PRKAG2: variants seen among roughly 807,000 people sequenced by gnomAD.
PRKAG2 encodes the protein 5'-AMP-activated protein kinase subunit gamma-2.
Under a neutral mutation model 69.6 loss-of-function variants are expected in PRKAG2, and 26 were observed. The ratio of observed to expected loss-of-function variants is 0.37; its 90% confidence interval spans 0.27 to 0.52. PRKAG2 has a LOEUF of 0.52. PRKAG2 is among the 20% of genes least tolerant of loss of function. PRKAG2 has a pLI of 0.90. For synonymous variants in PRKAG2, 293 were observed against 285.0 expected (o/e 1.03, Z -0.28); for missense variants, 557 against 740.0 (o/e 0.75, Z 2.87).
chr7:151,804,419 C>A (rs2078001199), intron 1 of PRKAG2, among the ~76,000 whole-genome samples: 1 of 152,160 alleles, frequency 6.6e-6, no homozygotes, highest in South Asian at 2.1e-4. Context: ...CCTTATAAAA[C>A]CAACAGATCT....
chr7:151,799,821 A>G (rs2077737865), intron 1 of PRKAG2, among the ~76,000 whole-genome samples: 1 of 152,226 alleles, frequency 6.6e-6, no homozygotes, highest in Non-Finnish European at 1.5e-5. Context: ...GCAGGCAGCT[A>G]CCAGATAGGA....
Position 151,719,344 on chromosome 7 carries a change from C to T in PRKAG2, c.467-43707G>A, listed in dbSNP as rs945933911. Among the ~76,000 whole-genome samples the T allele has an allele frequency of 4.6e-5, 7 of 152,076 alleles. No individual in the cohort carries two copies. The highest frequency in any genetic ancestry group is 9.7e-5 in the African/African-American group (4 of 41,434). ...GAAGGAGGTAGTCACAGAGACCCAC[C>T]GCTCAGGCCTCCTGCTGGGGGAGCT... On this transcript the variant is annotated intron_variant, in intron 3 of 15. Coordinates refer to ENST00000287878, the MANE Select transcript of PRKAG2 (RefSeq NM_016203.4). This position sits in a 1 kb window ranked among gnomAD's most constrained non-coding sequence, Gnocchi z 5.2.
rs1425028239 is a variant in PRKAG2 at position 151,850,903 on chromosome 7, T to C, written c.114+25604A>G. Among the ~76,000 whole-genome samples the C allele has an allele frequency of 2.0e-5, 3 of 152,224 alleles. No homozygotes were observed. The highest frequency in any genetic ancestry group is 6.5e-5 in the Admixed American group (1 of 15,286). ...ACAACACGGAATAAGAAGTCCTCGA[T>C]GAGCCGCCGCAATGTGACCTTAGGC... On this transcript the variant is annotated intron_variant, in intron 1 of 15. Coordinates refer to ENST00000287878, the MANE Select transcript of PRKAG2 (RefSeq NM_016203.4). This position sits in a 1 kb window ranked among gnomAD's most constrained non-coding sequence, Gnocchi z 4.1.
At chr7:151,571,917 A>G (rs914632317) in intron 9 of PRKAG2, among the ~76,000 whole-genome samples, 1 of 152,206 alleles carries the variant, frequency 6.6e-6, no homozygotes, top group Non-Finnish European at 1.5e-5. Context: ...ATTTTCCTTC[A>G]GTTGGTCCCT....
rs2077478363 is a variant in PRKAG2, at chr7:151,795,845, TCATATATA to T, written c.115-9312_115-9305del. ...ATGAGTCAATTCTTTCAAACAAATC[TCATATATA>T]TATATATATATATATATATATATAT... On this transcript the variant is annotated intron_variant, in intron 1 of 15. Coordinates refer to ENST00000287878, the MANE Select transcript of PRKAG2 (RefSeq NM_016203.4). Among the ~76,000 whole-genome samples, 5 of 61,294 alleles carry T rather than the reference TCATATATA, an allele frequency of 8.2e-5. No homozygotes were observed. The South Asian group carries it at 3.4e-3, about 42-fold the overall frequency. 40.2% of individuals were successfully genotyped at this position (61,294 alleles called of 152,430 possible).
chr7:151,576,443 C>T lies in PRKAG2; in HGVS notation c.874G>A (p.Ala292Thr), dbSNP rs1808948898. ...VFDTTLQVKK[A>T]FFALVANGVR... ...CCGTTGGCTACCAAAGCAAAGAAGGCCTTTTTAACCTGAAGAAAAAGAGGA... is the reference window on the plus strand; with the variant it reads ...CCGTTGGCTACCAAAGCAAAGAAGGTCTTTTTAACCTGAAGAAAAAGAGGA... Residue 292 changes from alanine (A) to threonine (T), a missense_variant, in exon 7 of 16, where the codon GCC becomes ACC. Around this residue, in one of 2 missense-constraint regions of PRKAG2, gnomAD observed 205 missense variants for 383.4 expected, o/e 0.53. Coordinates refer to ENST00000287878, the MANE Select transcript of PRKAG2 (RefSeq NM_016203.4). 1.3e-6 allele frequency: 2 copies of T among 1,598,876 alleles called. No individual in the cohort carries two copies. Among genetic ancestry groups the T allele is most frequent in the Non-Finnish European group, 1.7e-6 (2 of 1,166,468 alleles).
chr7:151,814,475 G>T lies in PRKAG2; in HGVS notation c.115-27934C>A. ...AGATGCTAATAAGCAGTGCAGGCTT[G>T]TAAGCTGCTGGATGGCAGGATGCGA... is the stretch of plus-strand genomic sequence containing the variant. On this transcript the variant is annotated intron_variant, in intron 1 of 15. Coordinates refer to ENST00000287878, the MANE Select transcript of PRKAG2 (RefSeq NM_016203.4). This position sits in a 1 kb window ranked among gnomAD's most constrained non-coding sequence, Gnocchi z 4.8. The T allele has an allele frequency of 1.6e-6, 2 of 1,230,630 alleles. No homozygotes were observed. The highest frequency in any genetic ancestry group is 2.0e-6 in the Non-Finnish European group (2 of 987,820). The allele number at this position is 1,230,630 out of a possible 1,614,324, so 76.2% of individuals were successfully genotyped here. A position where few individuals can be genotyped will look rare whatever the true frequency, so the allele number is the denominator to read the frequency against.
At chr7:151,625,047 T>C (rs924060967) in intron 5 of PRKAG2, among the ~76,000 whole-genome samples, 4 of 152,158 alleles carry the variant, frequency 2.6e-5, no homozygotes, top group African/African-American at 9.7e-5. Flanking sequence ...ATATTAAGAT[T>C]TCAGTCTCCA....
At chr7:151,827,764 A>C (rs888686176) in intron 1 of PRKAG2, among the ~76,000 whole-genome samples, 2 of 150,200 alleles carry the variant, frequency 1.3e-5, no homozygotes, top group Non-Finnish European at 3.0e-5. Flanking sequence ...AAAAAAAAAA[A>C]AAAAAAAAAA....
chr7:151,663,692 C>A (rs1156321687), intron 4 of PRKAG2, among the ~76,000 whole-genome samples: 1 of 152,200 alleles, frequency 6.6e-6, no homozygotes, highest in African/African-American at 2.4e-5. Flanking sequence ...GTCTGATCCT[C>A]CTTAAGGGCA....
chr7:151,756,420 C>A lies in PRKAG2; in HGVS notation c.466+24732G>T, dbSNP rs2075089955. On this transcript the variant is annotated intron_variant, in intron 3 of 15. Transcript: ENST00000287878. This position sits in a 1 kb window ranked among gnomAD's most constrained non-coding sequence, Gnocchi z 4.9. Reference sequence around the variant, plus strand: ...GTGGGTGCATCTCGGGCACCCCGCTCAGCACATGGCTCAGGCACACGCAAC... The same window carrying A: ...GTGGGTGCATCTCGGGCACCCCGCTAAGCACATGGCTCAGGCACACGCAAC... 6.6e-6 allele frequency among the ~76,000 whole-genome samples: 1 copy of A among 152,218 alleles called. No homozygotes were observed. The highest frequency in any genetic ancestry group is 2.4e-5 in the African/African-American group (1 of 41,460).
At chr7:151,757,683 C>G (rs1241164208) in intron 3 of PRKAG2, among the ~76,000 whole-genome samples, 2 of 152,190 alleles carry the variant, frequency 1.3e-5, no homozygotes, top group Non-Finnish European at 2.9e-5. Context: ...CCCCCCAAAC[C>G]AGACTCGCCT....
chr7:151,701,779 G>C (rs1837731728), intron 3 of PRKAG2, among the ~76,000 whole-genome samples: 1 of 150,646 alleles, frequency 6.6e-6, no homozygotes. Context: ...TGAAGCGGGG[G>C]TTGCAGTGAG....
rs181414848 is a variant in PRKAG2 at position 151,626,179 on chromosome 7, C to T, written c.754+5890G>A. Among the ~76,000 whole-genome samples, 354 of 152,286 alleles carry T rather than the reference C, an allele frequency of 2.3e-3. 1 individual carries two copies. Among genetic ancestry groups the T allele is most frequent in the Non-Finnish European group, 4.1e-3 (281 of 68,026 alleles). ...TCCAGTTACTTGCGAAGACTGGTGA[C>T]GAGTCCCACTTACCAATACCCCCGA... On this transcript the variant is annotated intron_variant, in intron 5 of 15. Coordinates refer to ENST00000287878, the MANE Select transcript of PRKAG2 (RefSeq NM_016203.4).
intron 4 of PRKAG2, among the ~76,000 whole-genome samples, chr7:151,644,846 G>A (rs549081585): frequency 6.6e-6 from 1 of 152,256 alleles, no homozygotes; most frequent in African/African-American, 2.4e-5. Context: ...TGCTTGGTAT[G>A]GTCTCTTAAC....
intron 1 of PRKAG2, among the ~76,000 whole-genome samples, chr7:151,789,441 T>C (rs954416913): frequency 3.3e-5 from 5 of 152,192 alleles, no homozygotes; most frequent in Admixed American, 3.3e-4. Context: ...CTCACCCAGT[T>C]CCCTCTTGGG....
intron 3 of PRKAG2, among the ~76,000 whole-genome samples, chr7:151,679,163 T>G (rs1392347746): frequency 1.3e-5 from 2 of 151,966 alleles, no homozygotes; most frequent in Non-Finnish European, 2.9e-5. Context: ...TCCGGACCCT[T>G]CTCAGGGCCA....
At chr7:151,775,072 C>A (rs1053163387) in intron 3 of PRKAG2, among the ~76,000 whole-genome samples, 2 of 152,234 alleles carry the variant, frequency 1.3e-5, no homozygotes, top group South Asian at 4.1e-4. Context: ...ATGGGGGAAG[C>A]AGCTTACACA....
At chr7:151,840,760 T>C (rs915611992) in intron 1 of PRKAG2, among the ~76,000 whole-genome samples, 1 of 152,218 alleles carries the variant, frequency 6.6e-6, no homozygotes, top group Non-Finnish European at 1.5e-5. Context: ...CTGCTTCTGA[T>C]GGAGGGGTTT....
Sources: allele counts gnomAD v4.1 joint callset (sites outside exome capture counted in the v4.1 genomes callset), GRCh38; gene constraint gnomAD v4.1.1; regional missense constraint gnomAD v4.1.1; non-coding constraint Gnocchi (gnomAD v3.1); transcripts MANE v1.5; gene names NCBI Gene and HGNC (gene_info 2026-07-23, HGNC 2026-07-21).